DPP10: variants seen among roughly 807,000 people sequenced by gnomAD.
DPP10 encodes dipeptidyl peptidase like 10.
DPP10 carries 33 observed loss-of-function variants against 120.9 expected under a neutral mutation model. The ratio of observed to expected loss-of-function variants is 0.27; its 90% confidence interval spans 0.21 to 0.37. The LOEUF (loss-of-function observed/expected upper bound fraction) is 0.37. Among genes scored for constraint, DPP10 ranks in the 10% least tolerant of loss-of-function variants. The pLI is 1.00. For synonymous variants in DPP10, 337 were observed against 326.1 expected (o/e 1.03, Z -0.36); for missense variants, 816 against 942.8 (o/e 0.87, Z 1.76).
At chr2:114,804,696 C>T (rs1684568730) in intron 1 of DPP10, among the ~76,000 whole-genome samples, 1 of 152,144 alleles carries the variant, frequency 6.6e-6, no homozygotes, top group Admixed American at 6.6e-5. Flanking sequence ...CTACATTTAC[C>T]CAATACACAT....
At chr2:115,800,249 G>A (rs1685037220) in intron 19 of DPP10, among the ~76,000 whole-genome samples, 1 of 151,802 alleles carries the variant, frequency 6.6e-6, no homozygotes, top group Admixed American at 6.6e-5. Flanking sequence ...AGAAGTGTCT[G>A]TTCATGTCCT....
At chr2:115,042,971 C>T (rs1005501474) in intron 1 of DPP10, among the ~76,000 whole-genome samples, 2 of 152,162 alleles carry the variant, frequency 1.3e-5, no homozygotes, top group Non-Finnish European at 2.9e-5. Context: ...TAGTTTATCT[C>T]AGCAATGGCG....
chr2:115,775,724 A>G (rs928805579), intron 13 of DPP10, among the ~76,000 whole-genome samples: 2 of 152,172 alleles, frequency 1.3e-5, no homozygotes, highest in Admixed American at 6.6e-5. Context: ...TTAAAACAGT[A>G]TCAGAAAAGA....
intron 1 of DPP10, among the ~76,000 whole-genome samples, chr2:114,637,086 C>A (rs1041470125): frequency 4.0e-5 from 6 of 151,804 alleles, no homozygotes; most frequent in Non-Finnish European, 7.4e-5. Flanking sequence ...TTTACTTTGG[C>A]TAATTTGAAC....
At chr2:114,992,493 G>C (rs574563323) in intron 1 of DPP10, among the ~76,000 whole-genome samples, 20 of 152,296 alleles carry the variant, frequency 1.3e-4, no homozygotes, top group African/African-American at 4.6e-4. Flanking sequence ...TTAACACTTA[G>C]TCTGGTTTAT....
intron 1 of DPP10, among the ~76,000 whole-genome samples, chr2:114,851,233 A>G (rs1688924460): frequency 6.6e-6 from 1 of 152,198 alleles, no homozygotes; most frequent in Admixed American, 6.5e-5. Context: ...ATCAATGTTT[A>G]GCAAATTATT....
intron 5 of DPP10, among the ~76,000 whole-genome samples, chr2:115,596,065 G>GC (rs1299605690): frequency 6.6e-6 from 1 of 152,094 alleles, no homozygotes; most frequent in Admixed American, 6.5e-5. Flanking sequence ...ACCCTTTCCT[G>GC]CATAGCCAGG....
At chr2:115,720,062 T>A (rs1362942189) in intron 7 of DPP10, among the ~76,000 whole-genome samples, 1 of 152,096 alleles carries the variant, frequency 6.6e-6, no homozygotes, top group Non-Finnish European at 1.5e-5. Flanking sequence ...TACCTTAGAG[T>A]GGAGTTGCTG....
At chr2:115,583,101 G>C (rs911899979) in intron 5 of DPP10, among the ~76,000 whole-genome samples, 1 of 152,210 alleles carries the variant, frequency 6.6e-6, no homozygotes, top group African/African-American at 2.4e-5. Context: ...ATAGTGCACT[G>C]AATATTTGCA....
chr2:114,704,852 G>A (rs1308464203), intron 1 of DPP10, among the ~76,000 whole-genome samples: 1 of 152,126 alleles, frequency 6.6e-6, no homozygotes, highest in Non-Finnish European at 1.5e-5. Context: ...AAGGTTAAAT[G>A]AGGCTATAGT....
chr2:115,023,208 C>T (rs759378043), intron 1 of DPP10, among the ~76,000 whole-genome samples: 33 of 151,942 alleles, frequency 2.2e-4, no homozygotes, highest in South Asian at 6.2e-4. Flanking sequence ...CAAAGTAAAC[C>T]GACAACCCAC....
intron 1 of DPP10, among the ~76,000 whole-genome samples, chr2:114,695,350 G>T (rs757950596): frequency 3.3e-5 from 5 of 152,148 alleles, no homozygotes; most frequent in Non-Finnish European, 5.9e-5. Context: ...TGCAGATCTA[G>T]AGCGGGGGCC....
At chr2:114,575,671 C>T (rs982851015) in intron 1 of DPP10, among the ~76,000 whole-genome samples, 2 of 152,008 alleles carry the variant, frequency 1.3e-5, no homozygotes, top group East Asian at 1.9e-4. Context: ...TCTGTTAATC[C>T]GCTACTATGT....
intron 14 of DPP10, 111 bp downstream of exon 14, chr2:115,777,410 A>G (rs2149848052): frequency 6.6e-6 from 6 of 904,462 alleles, no homozygotes; most frequent in South Asian, 5.0e-5. Flanking sequence ...CAAGCCAGCC[A>G]TGGAAAGAAT....
intron 5 of DPP10, among the ~76,000 whole-genome samples, chr2:115,534,560 G>A (rs1301915914): frequency 3.3e-5 from 5 of 151,868 alleles, no homozygotes; most frequent in Admixed American, 6.6e-5. Flanking sequence ...GAATAATGCC[G>A]CAATAAACAT....
At chr2:115,677,286 A>G (rs2090339875) in intron 5 of DPP10, among the ~76,000 whole-genome samples, 1 of 152,238 alleles carries the variant, frequency 6.6e-6, no homozygotes, top group African/African-American at 2.4e-5. Flanking sequence ...TAAATGAGAA[A>G]TAAAACAGAA....
At chr2:114,758,798 C>A (rs565045829) in intron 1 of DPP10, among the ~76,000 whole-genome samples, 2 of 152,206 alleles carry the variant, frequency 1.3e-5, no homozygotes, top group African/African-American at 4.8e-5. Flanking sequence ...TGTATGTTGT[C>A]TGCACTTAGT....
At chr2:115,483,699 T>C (rs529695354) in intron 3 of DPP10, among the ~76,000 whole-genome samples, 1 of 152,212 alleles carries the variant, frequency 6.6e-6, no homozygotes, top group East Asian at 1.9e-4. Flanking sequence ...CTAACACTGA[T>C]TGATGTTAAG....
chr2:115,063,782 A>C (rs1299279161), intron 1 of DPP10, among the ~76,000 whole-genome samples: 1 of 152,216 alleles, frequency 6.6e-6, no homozygotes, highest in African/African-American at 2.4e-5. Context: ...TGGATTAAAG[A>C]CTTAATGTAA....
Sources: allele counts gnomAD v4.1 joint callset (sites outside exome capture counted in the v4.1 genomes callset), GRCh38; gene constraint gnomAD v4.1.1; transcripts MANE v1.5; gene names NCBI Gene and HGNC (gene_info 2026-07-23, HGNC 2026-07-21).